ABCA9: variants seen among roughly 807,000 people sequenced by gnomAD.
The protein encoded by ABCA9 is ATP binding cassette subfamily A member 9, also known as ATP-binding cassette sub-family A member 9.
ABCA9 carries 183 observed loss-of-function variants against 205.3 expected under a neutral mutation model. The ratio of observed to expected loss-of-function variants is 0.89; its 90% confidence interval spans 0.79 to 1.01. The LOEUF (loss-of-function observed/expected upper bound fraction) is 1.01, where lower values mean the gene tolerates loss of function less well. Among genes scored for constraint, ABCA9 ranks in the 50% least tolerant of loss-of-function variants. The pLI is 0.00. For missense variants in ABCA9, 1,805 were observed against 1,912.4 expected (o/e 0.94, Z 1.05); for synonymous variants, 651 against 683.3 (o/e 0.95, Z 0.74).
chr17:69,001,863 G>C (rs1464341200), intron 25 of ABCA9, among the ~76,000 whole-genome samples: 1 of 152,012 alleles, frequency 6.6e-6, no homozygotes, highest in African/African-American at 2.4e-5. Context: ...TATGTGTCAA[G>C]GAATTTATCC....
At chr17:69,035,193 G>T (rs968808182) in intron 8 of ABCA9, 53 bp downstream of exon 8, 8 of 1,337,316 alleles carry the variant, frequency 6.0e-6, no homozygotes, top group African/African-American at 3.0e-5. Flanking sequence ...TTATTAAGAG[G>T]GAATCTGTGT....
At position 69,035,049 on chromosome 17, in the gene ABCA9, G is replaced by T. The variant is rs2071286735; in HGVS notation, c.1128+197C>A. 1.8e-5 allele frequency: 7 copies of T among 396,276 alleles called. No homozygotes were observed. The East Asian group carries it at 2.4e-4, about 13-fold the overall frequency. 24.5% of individuals were successfully genotyped at this position (396,276 alleles called of 1,614,324 possible). ...GAAGCTGAAACATCTCAATAATAAG[G>T]GTATGATCCTATATTTAGTGACTTA... On this transcript the variant is annotated intron_variant, in intron 8 of 38. Coordinates refer to ENST00000340001, the MANE Select transcript of ABCA9 (RefSeq NM_080283.4).
At chr17:69,018,839 T>G (rs565414804) in intron 19 of ABCA9, among the ~76,000 whole-genome samples, 4 of 152,034 alleles carry the variant, frequency 2.6e-5, no homozygotes, top group African/African-American at 9.6e-5. Flanking sequence ...GACTCTTAAA[T>G]CTCTCTTCAC....
At chr17:69,026,563 G>T in intron 15 of ABCA9, 96 bp from the exon 16 acceptor site, 2 of 1,119,884 alleles carry the variant, frequency 1.8e-6, no homozygotes, top group Non-Finnish European at 2.6e-6. Context: ...GTAGCAGCAT[G>T]ACACACTAAA....
intron 3 of ABCA9, among the ~76,000 whole-genome samples, chr17:69,048,176 C>T (rs1209288831): frequency 6.6e-6 from 1 of 152,180 alleles, no homozygotes; most frequent in African/African-American, 2.4e-5. Flanking sequence ...ATGGAGATTA[C>T]AGGTCCCTTC....
intron 25 of ABCA9, among the ~76,000 whole-genome samples, chr17:69,006,986 T>G (rs1164185558): frequency 1.3e-5 from 2 of 152,114 alleles, no homozygotes; most frequent in African/African-American, 4.8e-5. Context: ...TCAGGCAGAC[T>G]GGGAAATGTC....
intron 25 of ABCA9, among the ~76,000 whole-genome samples, chr17:69,007,051 CA>C (rs1373626011): frequency 4.6e-5 from 7 of 152,086 alleles, no homozygotes; most frequent in Non-Finnish European, 8.8e-5. Flanking sequence ...GGGGCGTGAT[CA>C]AGGATGATTC....
Position 68,989,068 on chromosome 17 carries a change from T to C in ABCA9, c.4006A>G (p.Ile1336Val), listed in dbSNP as rs766413667. 13 of 1,613,670 alleles carry C rather than the reference T, an allele frequency of 8.1e-6. No homozygotes were observed. The highest frequency in any genetic ancestry group is 9.3e-6 in the Non-Finnish European group (11 of 1,179,630). Residue 1336 changes from isoleucine (I) to valine (V), a missense_variant, in exon 31 of 39, where the codon ATT (isoleucine) becomes GTT (valine). Ile to Val is a conservative substitution (Grantham distance 29). Transcript: ENST00000340001. ...GHNGAGKSTT[I>V]KMITGDTKPT... ...TTTGTGTCTCCAGTTATCATCTTAA[T>C]AGTTGTACTTTTACCAGCTCCATTG... is the stretch of plus-strand genomic sequence containing the variant.
intron 3 of ABCA9, among the ~76,000 whole-genome samples, chr17:69,046,699 G>T: frequency 6.6e-6 from 1 of 151,324 alleles, no homozygotes; most frequent in Non-Finnish European, 1.5e-5. Context: ...AATAGGCTGA[G>T]TATCTCTTAT....
At chr17:68,987,936 G>T (rs1255546397) in intron 31 of ABCA9, among the ~76,000 whole-genome samples, 1 of 152,106 alleles carries the variant, frequency 6.6e-6, no homozygotes, top group Non-Finnish European at 1.5e-5. Flanking sequence ...GGCTAATTTT[G>T]TATTTTTGGT....
At position 69,043,611 on chromosome 17, in the gene ABCA9, G is replaced by GA. The variant is rs2144456312; in HGVS notation, c.677dup (p.Ile227HisfsTer140). ...AAAAAGAAATAATGCAAAAGAAAAT[G>GA]AAAAAATCAGTTGCAACTCCTCCTT... On this transcript the variant is annotated frameshift_variant, in exon 6 of 39. Coordinates refer to ENST00000340001, the MANE Select transcript of ABCA9 (RefSeq NM_080283.4). LOFTEE classifies it high-confidence loss of function. 1 of 1,613,352 alleles carries GA rather than the reference G, an allele frequency of 6.2e-7. No individual in the cohort carries two copies. The highest frequency in any genetic ancestry group is 8.5e-7 in the Non-Finnish European group (1 of 1,179,682).
At position 68,984,108 on chromosome 17, in the gene ABCA9, C is replaced by T. The variant is rs111552891; in HGVS notation, c.4447G>A (p.Glu1483Lys). The change falls in exon 35 of 39, where the codon GAG becomes AAG. Residue 1483 changes from glutamate to lysine, a missense_variant. Transcript: ENST00000340001. The stretch of plus-strand genomic sequence containing the variant: ...ACTCGGTCACACACCGCCTCAGCCT[C>T]TGCCATGTAGTGGGTGGTCAGGAGG... ...GALLTTHYMA[E>K]AEAVCDRVAI... The T allele has an allele frequency of 2.5e-6, 4 of 1,614,200 alleles. No individual in the cohort carries two copies. In the African/African-American group the frequency reaches 4.0e-5, roughly 16 times the overall value.
chr17:69,036,146 AT>A (rs2060700386), intron 6 of ABCA9, among the ~76,000 whole-genome samples: 3 of 152,150 alleles, frequency 2.0e-5, no homozygotes, highest in South Asian at 4.1e-4. Flanking sequence ...TATAAATAAT[AT>A]GGACAAAAAA....
At chr17:69,048,384 T>A (rs550062613) in intron 3 of ABCA9, among the ~76,000 whole-genome samples, 1 of 152,032 alleles carries the variant, frequency 6.6e-6, no homozygotes, top group South Asian at 2.1e-4. Context: ...GTAAAACGGT[T>A]AGTTATATTT....
chr17:69,045,084 G>C, intron 4 of ABCA9, 88 bp downstream of exon 4: 1 of 1,048,124 alleles, frequency 9.5e-7, no homozygotes, highest in South Asian at 1.6e-5. Flanking sequence ...GTATATGTTT[G>C]TGTAGTTTCA....
chr17:68,999,472 C>T (rs1372702995), intron 25 of ABCA9, among the ~76,000 whole-genome samples: 1 of 140,170 alleles, frequency 7.1e-6, no homozygotes, highest in Non-Finnish European at 1.5e-5. Flanking sequence ...TTTTTTATGG[C>T]TGCATAGTAT....
intron 37 of ABCA9, among the ~76,000 whole-genome samples, chr17:68,977,697 C>T (rs148639375): frequency 1.8e-4 from 28 of 152,258 alleles, no homozygotes; most frequent in South Asian, 6.2e-4. Flanking sequence ...TTGGCTTGGA[C>T]GACACCGTGC....
chr17:68,990,090 T>C (rs2069397404), intron 29 of ABCA9, among the ~76,000 whole-genome samples, 160 bp from the exon 30 acceptor site: 1 of 152,228 alleles, frequency 6.6e-6, no homozygotes, highest in Admixed American at 6.5e-5. Flanking sequence ...ACAGTCTACA[T>C]TCCTGCAAGG....
intron 31 of ABCA9, 35 bp downstream of exon 31, chr17:68,988,992 G>A: frequency 7.8e-7 from 1 of 1,278,602 alleles, no homozygotes; most frequent in Non-Finnish European, 1.1e-6. Flanking sequence ...TTTGTAGGTA[G>A]CACTAATGAC....
Sources: gnomAD v4.1 joint callset for allele counts (sites outside exome capture counted in the v4.1 genomes callset) on GRCh38, gnomAD v4.1.1 for gene constraint, MANE v1.5 for transcripts, NCBI Gene and HGNC (gene_info 2026-07-23, HGNC 2026-07-21) for gene names.